The following SLC25A18 variants were observed in gnomAD, a reference collection of about 807,000 sequenced individuals.
The protein encoded by SLC25A18 is mitochondrial glutamate carrier 2.
In SLC25A18, 24 loss-of-function variants were observed where a neutral mutation model predicts 31.1. The ratio of observed to expected loss-of-function variants is 0.77; its 90% confidence interval spans 0.56 to 1.08. SLC25A18 has a LOEUF of 1.08. SLC25A18 is among the 50% of genes least tolerant of loss of function. SLC25A18 has a pLI of 0.00. For synonymous variants in SLC25A18, 173 were observed against 161.9 expected, an observed-to-expected ratio of 1.07 and a Z score of -0.52; for missense variants, 371 against 418.5, an observed-to-expected ratio of 0.89 and a Z score of 0.99.
intron 2 of SLC25A18, among the ~76,000 whole-genome samples, chr22:17,571,889 G>A (rs964381143): frequency 2.6e-4 from 39 of 152,004 alleles, no homozygotes; most frequent in African/African-American, 8.0e-4. Flanking sequence ...ATGGTGGCTC[G>A]TGCCTGTAAT....
In SLC25A18 at chr22:17,590,390, T is replaced by TAACA; in HGVS notation, c.*156_*159dup. On this transcript the variant is annotated 3_prime_UTR_variant, in exon 11 of 11. Coordinates refer to ENST00000327451, the MANE Select transcript of SLC25A18 (RefSeq NM_031481.3). ...TCTCGGGAGAAACAGCCCTATATTC[T>TAACA]AACAAGTTGAGCACAGCCTTCTTCC... 4 of 861,518 alleles carry TAACA rather than the reference T, an allele frequency of 4.6e-6. No individual in the cohort carries two copies. The highest frequency in any genetic ancestry group is 7.0e-6 in the Non-Finnish European group (4 of 572,336). The allele number at this position is 861,518 out of a possible 1,614,324, so 53.4% of individuals were successfully genotyped here.
chr22:17,576,326 C>A (rs1428067572), intron 2 of SLC25A18, among the ~76,000 whole-genome samples: 1 of 151,796 alleles, frequency 6.6e-6, no homozygotes, highest in African/African-American at 2.4e-5. Context: ...TGCACTCCAG[C>A]CTGGACGACA....
intron 2 of SLC25A18, among the ~76,000 whole-genome samples, chr22:17,578,918 C>T (rs1383281761): frequency 6.6e-6 from 1 of 152,074 alleles, no homozygotes; most frequent in African/African-American, 2.4e-5. Flanking sequence ...TAGCAGGCCC[C>T]CTCCTCAGAA....
At chr22:17,581,227 A>G (rs2057364421) in intron 4 of SLC25A18, 68 bp downstream of exon 4, 3 of 1,569,498 alleles carry the variant, frequency 1.9e-6, no homozygotes, top group South Asian at 1.2e-5. Flanking sequence ...CCTTCCCTCC[A>G]GTCTCCAGGC....
At chr22:17,584,754 C>G (rs995278045) in intron 7 of SLC25A18, among the ~76,000 whole-genome samples, 13 of 118,812 alleles carry the variant, frequency 1.1e-4, no homozygotes, top group African/African-American at 4.5e-4. Context: ...GCACTCCAGC[C>G]TGGAGGACAA....
intron 2 of SLC25A18, among the ~76,000 whole-genome samples, chr22:17,573,002 AC>A (rs1366266983): frequency 1.3e-5 from 2 of 152,032 alleles, no homozygotes; most frequent in African/African-American, 4.8e-5. Context: ...AGTCTCAACA[AC>A]CCAGGAGGCT....
chr22:17,572,390 CA>C (rs2057113657), intron 2 of SLC25A18, among the ~76,000 whole-genome samples: 1 of 148,862 alleles, frequency 6.7e-6, no homozygotes, highest in Non-Finnish European at 1.5e-5. Context: ...GAGGCTGAGG[CA>C]GGAGAATTGC....
At chr22:17,577,965 C>T (rs1304881730) in intron 2 of SLC25A18, among the ~76,000 whole-genome samples, 2 of 148,662 alleles carry the variant, frequency 1.3e-5, no homozygotes, top group East Asian at 2.1e-4. Context: ...GCATGAGCCA[C>T]TGCGCCCTGC....
chr22:17,564,869 A>AAAAAAAAAAAT (rs2056893513), intron 1 of SLC25A18, among the ~76,000 whole-genome samples: 1 of 150,912 alleles, frequency 6.6e-6, no homozygotes, highest in Non-Finnish European at 1.5e-5. Flanking sequence ...AAAAAAAAAA[A>AAAAAAAAAAAT]TCAGGCCCAG....
intron 5 of SLC25A18, chr22:17,581,622 C>T: frequency 1.8e-6 from 1 of 568,552 alleles, no homozygotes; most frequent in Non-Finnish European, 3.1e-6. Context: ...CCCCCGCCAC[C>T]GCCTCAGTAA....
At chr22:17,571,772 A>G (rs2057093357) in intron 2 of SLC25A18, among the ~76,000 whole-genome samples, 1 of 151,482 alleles carries the variant, frequency 6.6e-6, no homozygotes, top group Non-Finnish European at 1.5e-5. Context: ...AAAAAAAAAA[A>G]AAGTCTGGGC....
At chr22:17,564,531 C>CA (rs1225896897) in intron 1 of SLC25A18, among the ~76,000 whole-genome samples, 2 of 152,060 alleles carry the variant, frequency 1.3e-5, no homozygotes, top group Non-Finnish European at 2.9e-5. Context: ...AAAAAGAATA[C>CA]AAACAGTTTA....
intron 2 of SLC25A18, among the ~76,000 whole-genome samples, chr22:17,576,815 A>G (rs997933608): frequency 2.6e-5 from 4 of 152,156 alleles, no homozygotes; most frequent in African/African-American, 9.7e-5. Flanking sequence ...ACATTATCAC[A>G]TCTGTTAGCT....
intron 2 of SLC25A18, among the ~76,000 whole-genome samples, chr22:17,571,463 G>C (rs767288575): frequency 2.8e-4 from 43 of 152,278 alleles, no homozygotes; most frequent in Non-Finnish European, 5.4e-4. Context: ...ATGACCCTCA[G>C]TTACAATGTA....
chr22:17,590,693 A>C lies in SLC25A18; in HGVS notation c.*457A>C, dbSNP rs997682341. On this transcript the variant is annotated 3_prime_UTR_variant, in exon 11 of 11. Transcript: ENST00000327451. ...GATTTTGAGGAAAAGGAGGATCAGA[A>C]GTTCAAGGGACCGTGAAAGCCCTCA... 2 of 154,450 alleles carry C rather than the reference A, an allele frequency of 1.3e-5. No homozygotes were observed. The highest frequency in any genetic ancestry group is 3.1e-3 in the Middle Eastern group (1 of 318). 9.6% of individuals were successfully genotyped at this position (154,450 alleles called of 1,614,324 possible). A position where few individuals can be genotyped will look rare whatever the true frequency, so the allele number is the denominator to read the frequency against.
intron 6 of SLC25A18, 47 bp from the exon 7 acceptor site, chr22:17,583,369 C>A: frequency 6.2e-7 from 1 of 1,610,756 alleles, no homozygotes; most frequent in Non-Finnish European, 8.5e-7. Context: ...TGCACCAGGG[C>A]AGGCCTGTGG....
intron 1 of SLC25A18, among the ~76,000 whole-genome samples, chr22:17,564,386 T>C (rs1004783313): frequency 5.9e-4 from 90 of 152,194 alleles, no homozygotes; most frequent in Admixed American, 5.2e-4. Context: ...AGCTCTCTCT[T>C]GTAACTAGCA....
At chr22:17,566,115 G>T (rs747935783) in intron 1 of SLC25A18, among the ~76,000 whole-genome samples, 8 of 151,994 alleles carry the variant, frequency 5.3e-5, no homozygotes, top group Non-Finnish European at 8.8e-5. Flanking sequence ...CTATTTTTTT[G>T]AACCATGCTT....
In SLC25A18 at chr22:17,588,041, C is replaced by CA; in HGVS notation, c.693dup (p.Gly232ArgfsTer84). Reference sequence around the variant, plus strand: ...CATTCCTTCGTGTCAGGCTGTGTGGCAGGTTCCATAGCTGCGGTCGCAGTG... The same window carrying CA: ...CATTCCTTCGTGTCAGGCTGTGTGGCAAGGTTCCATAGCTGCGGTCGCAGTG... On this transcript the variant is annotated frameshift_variant, in exon 9 of 11. Transcript: ENST00000327451. LOFTEE classifies it high-confidence loss of function. 2.5e-6 allele frequency: 4 copies of CA among 1,614,222 alleles called. No homozygotes were observed. Among genetic ancestry groups the CA allele is most frequent in the Non-Finnish European group, 3.4e-6 (4 of 1,180,052 alleles).
Sources: allele counts gnomAD v4.1 joint callset (sites outside exome capture counted in the v4.1 genomes callset), GRCh38; gene constraint gnomAD v4.1.1; transcripts MANE v1.5; gene names NCBI Gene and HGNC (gene_info 2026-07-23, HGNC 2026-07-21).